Variants in FNDC1 observed in about 807,000 individuals in gnomAD.
The protein encoded by FNDC1 is fibronectin type III domain-containing protein 1.
A neutral mutation model predicts 168.0 loss-of-function variants in FNDC1; 96 were observed. That is an observed-to-expected ratio of 0.57 (90% CI 0.48 to 0.68). The LOEUF (loss-of-function observed/expected upper bound fraction) is 0.68, where lower values mean the gene tolerates loss of function less well. Among genes scored for constraint, FNDC1 ranks in the 30% least tolerant of loss-of-function variants. The pLI is 0.00. For synonymous variants in FNDC1, 1,099 were observed against 1,025.9 expected, an observed-to-expected ratio of 1.07 and a Z score of -1.36; for missense variants, 2,587 against 2,482.1, an observed-to-expected ratio of 1.04 and a Z score of -0.90.
At chr6:159,189,437 G>A (rs1327214194) in intron 1 of FNDC1, among the ~76,000 whole-genome samples, 2 of 152,222 alleles carry the variant, frequency 1.3e-5, no homozygotes, top group Non-Finnish European at 2.9e-5. Context: ...AGAATTAGGG[G>A]AGCTTTACTG....
intron 18 of FNDC1, among the ~76,000 whole-genome samples, chr6:159,260,192 T>C (rs1033687336): frequency 6.6e-6 from 1 of 152,214 alleles, no homozygotes; most frequent in African/African-American, 2.4e-5. Flanking sequence ...TTTACCTCTC[T>C]CTTCATCTGT....
intron 22 of FNDC1, among the ~76,000 whole-genome samples, chr6:159,270,567 G>A (rs562288833): frequency 1.3e-5 from 2 of 152,316 alleles, no homozygotes; most frequent in Non-Finnish European, 2.9e-5. Flanking sequence ...ACTGGTGGAA[G>A]GGCAGGCAGC....
intron 4 of FNDC1, among the ~76,000 whole-genome samples, chr6:159,201,769 C>T (rs79996072): frequency 0.03 from 4,627 of 152,242 alleles, 269 homozygotes; most frequent in African/African-American, 0.11. Context: ...TAAACAGACA[C>T]GTGTGAACCT....
At chr6:159,269,495 T>TATCCATCCATCCATCCATCC (rs1562316076) in intron 22 of FNDC1, among the ~76,000 whole-genome samples, 4 of 59,274 alleles carry the variant, frequency 6.7e-5, no homozygotes, top group African/African-American at 5.7e-5. Context: ...TCTATCTATC[T>TATCCATCCATCCATCCATCC]ATCTATCCAT....
At chr6:159,245,581 A>G (rs189598886) in intron 14 of FNDC1, among the ~76,000 whole-genome samples, 16 of 152,306 alleles carry the variant, frequency 1.1e-4, no homozygotes, top group African/African-American at 3.8e-4. Flanking sequence ...TCCCAAGTAG[A>G]GAAATAGTAT....
chr6:159,224,349 G>A (rs1401321388), intron 7 of FNDC1, among the ~76,000 whole-genome samples: 1 of 152,052 alleles, frequency 6.6e-6, no homozygotes, highest in Non-Finnish European at 1.5e-5. Context: ...TTATTTCCAC[G>A]ACTGAATACA....
chr6:159,180,240 C>A (rs1326440021), intron 1 of FNDC1, among the ~76,000 whole-genome samples: 1 of 152,128 alleles, frequency 6.6e-6, no homozygotes, highest in Non-Finnish European at 1.5e-5. Flanking sequence ...CCAACCTCTG[C>A]CTCCACGTCA....
intron 12 of FNDC1, 80 bp from the exon 13 acceptor site, chr6:159,238,474 G>T (rs765827871): frequency 1.8e-4 from 150 of 850,196 alleles, no homozygotes; most frequent in Admixed American, 4.0e-4. Context: ...GAAGCTTCAG[G>T]GGTATATACA....
intron 1 of FNDC1, among the ~76,000 whole-genome samples, chr6:159,191,263 T>C (rs1326563582): frequency 6.6e-6 from 1 of 152,188 alleles, no homozygotes; most frequent in Non-Finnish European, 1.5e-5. Flanking sequence ...AGCCAAACCA[T>C]ATCACTATAA....
In FNDC1 at chr6:159,233,465, C is replaced by A. The variant is rs532191873; in HGVS notation, c.2953C>A (p.Arg985=). 3.7e-6 allele frequency: 6 copies of A among 1,606,554 alleles called. No individual in the cohort carries two copies. The Admixed American group carries it at 5.0e-5, about 13-fold the overall frequency. ...GTCCCCTGCTCGTCCGCCCGCAGCA[C>A]GGTCACAGCAGCATCCCAGTGTTCC... ...HASPARPPAA[R]SQQHPSVPRR... is the part of the protein sequence containing the mutation. Residue 985 remains arginine (R), a synonymous_variant, in exon 11 of 23, where the codon CGG becomes AGG. Coordinates refer to ENST00000297267, the MANE Select transcript of FNDC1 (RefSeq NM_032532.3). This position sits in a 1 kb window ranked among gnomAD's most constrained non-coding sequence, Gnocchi z 4.6.
At chr6:159,264,592 T>A (rs569975053) in intron 19 of FNDC1, among the ~76,000 whole-genome samples, 236 of 152,352 alleles carry the variant, frequency 1.5e-3, no homozygotes, top group Non-Finnish European at 3.0e-3. Context: ...TTTCCATTTC[T>A]CTTGGATAAA....
chr6:159,188,068 G>A (rs1782041267), intron 1 of FNDC1, among the ~76,000 whole-genome samples: 1 of 152,222 alleles, frequency 6.6e-6, no homozygotes, highest in African/African-American at 2.4e-5. Context: ...GTATTTGGCG[G>A]TTTCCAATGG....
At chr6:159,265,576 T>G (rs561842730) in intron 20 of FNDC1, among the ~76,000 whole-genome samples, 1 of 152,298 alleles carries the variant, frequency 6.6e-6, no homozygotes, top group East Asian at 1.9e-4. Flanking sequence ...ACGGCCCAAA[T>G]GTACTTTAGT....
intron 1 of FNDC1, among the ~76,000 whole-genome samples, chr6:159,192,307 G>C (rs1782158136): frequency 6.6e-6 from 1 of 152,070 alleles, no homozygotes; most frequent in Admixed American, 6.5e-5. Context: ...ACAAAACCAA[G>C]ACCAAAAGCA....
intron 1 of FNDC1, among the ~76,000 whole-genome samples, chr6:159,189,048 G>T (rs1430556472): frequency 6.6e-6 from 1 of 152,284 alleles, no homozygotes; most frequent in East Asian, 1.9e-4. Context: ...TGCTGCACCT[G>T]GCCAATTTTT....
intron 17 of FNDC1, among the ~76,000 whole-genome samples, chr6:159,256,198 T>C (rs765511178): frequency 1.4e-4 from 22 of 152,218 alleles, no homozygotes; most frequent in South Asian, 4.1e-4. Flanking sequence ...CACTGCTTTT[T>C]TCTTCTACTT....
rs995684061 is a variant in FNDC1, at chr6:159,238,839, G to A, written c.4180+174G>A. 7.2e-5 allele frequency among the ~76,000 whole-genome samples: 11 copies of A among 152,260 alleles called. No homozygotes were observed. In the East Asian group the frequency reaches 1.2e-3, roughly 16 times the overall value. Reference sequence around the variant, plus strand: ...GAACTTGGTGTTTCCCCCAGAGAGCGTTAGTTCTCTTCCTGCAGGCTGCAC... The same window carrying A: ...GAACTTGGTGTTTCCCCCAGAGAGCATTAGTTCTCTTCCTGCAGGCTGCAC... On this transcript the variant is annotated intron_variant, in intron 13 of 22. Coordinates refer to ENST00000297267, the MANE Select transcript of FNDC1 (RefSeq NM_032532.3).
At position 159,197,455 on chromosome 6, in the gene FNDC1, A is replaced by T. The variant is rs1423978257; in HGVS notation, c.134A>T (p.His45Leu). ...ASVDHPLKPR[H>L]VKLLSTKMGL... ...GTTGACCACCCACTGAAGCCAAGGC[A>T]TGTGAAACTGCTGTCCACTAAAATG... Residue 45 changes from histidine (H) to leucine (L), a missense_variant, in exon 2 of 23, where the codon CAT (histidine) becomes CTT (leucine). Coordinates refer to ENST00000297267, the MANE Select transcript of FNDC1 (RefSeq NM_032532.3). 1.2e-6 allele frequency: 2 copies of T among 1,613,598 alleles called. No homozygotes were observed. The highest frequency in any genetic ancestry group is 2.2e-5 in the East Asian group (1 of 44,876).
rs201746394 is a variant in FNDC1 at position 159,268,699 on chromosome 6, CATCT to C, written c.5569+781_5569+784del. Among the ~76,000 whole-genome samples the C allele has an allele frequency of 2.4e-3, 346 of 145,476 alleles. 2 individuals are homozygous for C. Among genetic ancestry groups the C allele is most frequent in the African/African-American group, 6.2e-3 (249 of 40,276 alleles). On this transcript the variant is annotated intron_variant, in intron 22 of 22. Transcript: ENST00000297267. ...CTATCCATCTATCTATCCATCCATC[CATCT>C]ATCTATCCATTTATGCATCCATCTA... is the stretch of plus-strand genomic sequence containing the variant.
Sources: allele counts gnomAD v4.1 joint callset (sites outside exome capture counted in the v4.1 genomes callset), GRCh38; gene constraint gnomAD v4.1.1; non-coding constraint Gnocchi (gnomAD v3.1); transcripts MANE v1.5; gene names NCBI Gene and HGNC (gene_info 2026-07-23, HGNC 2026-07-21).